The following NCOR2 variants were observed in gnomAD, a reference collection of about 807,000 sequenced individuals.
The protein encoded by NCOR2 is CTG repeat protein 26.
In NCOR2, 81 loss-of-function variants were observed where a neutral mutation model predicts 262.9. That is an observed-to-expected ratio of 0.31 (90% CI 0.26 to 0.37). NCOR2 has a LOEUF of 0.37. NCOR2 is among the 10% of genes least tolerant of loss of function. NCOR2 has a pLI of 1.00. For missense variants in NCOR2, 3,385 were observed against 3,621.4 expected (o/e 0.93, Z 1.68); for synonymous variants, 1,659 against 1,559.3 (o/e 1.06, Z -1.51).
intron 17 of NCOR2, among the ~76,000 whole-genome samples, chr12:124,381,634 C>T (rs528633779): frequency 6.6e-6 from 1 of 152,372 alleles, no homozygotes; most frequent in South Asian, 2.1e-4. Context: ...CAAGACCACA[C>T]AGCTCATGAG....
rs2036322779 is a variant in NCOR2 at position 124,340,019 on chromosome 12, G to A, written c.5674C>T (p.Pro1892Ser). The change falls in exon 37 of 47, where the codon CCC (proline) becomes TCC (serine). Residue 1892 changes from proline (P) to serine (S), a missense_variant. Pro to Ser is a moderately conservative substitution (Grantham distance 74). Around this residue, in one of 5 missense-constraint regions of NCOR2, gnomAD observed 1,017 missense variants for 967.2 expected, o/e 1.05. Transcript: ENST00000405201. ...AACCTGGCCCACCTCAGGACCGTGG[G>A]CGTGCTGGGCTCCACAGCGGTGATG... 3.7e-6 allele frequency: 6 copies of A among 1,612,140 alleles called. No homozygotes were observed. In the African/African-American group the frequency reaches 6.7e-5, roughly 18 times the overall value.
At chr12:124,478,476 G>A (rs775930388) in intron 3 of NCOR2, among the ~76,000 whole-genome samples, 3 of 152,278 alleles carry the variant, frequency 2.0e-5, no homozygotes, top group South Asian at 2.1e-4. Flanking sequence ...ACAGGAACAC[G>A]GTGGGGCAGA....
At chr12:124,414,288 G>C (rs987849970) in intron 13 of NCOR2, among the ~76,000 whole-genome samples, 1 of 152,220 alleles carries the variant, frequency 6.6e-6, no homozygotes, top group African/African-American at 2.4e-5. Context: ...GTCTCATCTG[G>C]CCAGTGGGGA....
chr12:124,411,987 G>A (rs1228946614), intron 13 of NCOR2, among the ~76,000 whole-genome samples: 1 of 152,230 alleles, frequency 6.6e-6, no homozygotes, highest in Non-Finnish European at 1.5e-5. Context: ...TCAGAACACA[G>A]AGAAGCTTCC....
At chr12:124,335,320 CCCCAGGGCTGCTGGG>C in intron 39 of NCOR2, 40 bp from the exon 42 acceptor site, 2 of 1,529,338 alleles carry the variant, frequency 1.3e-6, no homozygotes, top group Non-Finnish European at 1.8e-6. Flanking sequence ...TGTCTGCTGG[CCCCAGGGCTGCTGGG>C]CCCAAATCCC....
At chr12:124,527,646 G>GACCTC (rs2050549248) in intron 1 of NCOR2, among the ~76,000 whole-genome samples, 1 of 152,178 alleles carries the variant, frequency 6.6e-6, no homozygotes, top group Admixed American at 6.5e-5. Context: ...TCGAACTCCT[G>GACCTC]ACCTCAGATG....
chr12:124,398,035 T>C lies in NCOR2; in HGVS notation c.1876+84A>G, dbSNP rs571023685. 2.9e-4 allele frequency: 438 copies of C among 1,531,172 alleles called. 2 individuals carry two copies. In the Middle Eastern group the frequency reaches 3.7e-3, roughly 13 times the overall value. The allele number at this position is 1,531,172 out of a possible 1,614,324, so 94.8% of individuals were successfully genotyped here. A position where few individuals can be genotyped will look rare whatever the true frequency, so the allele number is the denominator to read the frequency against. ...CCACAGCCCCTGGCTCAAGGCCAAA[T>C]GTGTCAACACCCTCCCCAGCACGTG... On this transcript the variant is annotated intron_variant, in intron 16 of 46. Coordinates refer to ENST00000405201, the Ensembl canonical transcript of NCOR2.
intron 13 of NCOR2, among the ~76,000 whole-genome samples, chr12:124,412,623 T>G (rs2042642408): frequency 6.6e-6 from 1 of 152,220 alleles, no homozygotes; most frequent in Non-Finnish European, 1.5e-5. Flanking sequence ...AGCTTGAGTG[T>G]ACTCCCATGG....
chr12:124,554,504 C>T (rs2051820509), intron 1 of NCOR2, among the ~76,000 whole-genome samples: 1 of 152,232 alleles, frequency 6.6e-6, no homozygotes, highest in Non-Finnish European at 1.5e-5. Context: ...CCAGGCGCCC[C>T]CTTCTCAATG....
At chr12:124,438,876 AAGACAGAGACCCAGAGAGAGGG>A (rs2044587121) in intron 7 of NCOR2, among the ~76,000 whole-genome samples, 2 of 1,728 alleles carry the variant, frequency 1.2e-3, no homozygotes, top group Non-Finnish European at 2.9e-3. Context: ...GAGACAGAGG[AAGACAGAGACCCAGAGAGAGGG>A]AGACAGAGAC....
At chr12:124,533,625 A>G (rs1316218644) in intron 1 of NCOR2, among the ~76,000 whole-genome samples, 1 of 152,194 alleles carries the variant, frequency 6.6e-6, no homozygotes, top group Non-Finnish European at 1.5e-5. Context: ...CCACAGGTCT[A>G]TTCCCAGCAC....
chr12:124,330,706 G>A (rs1421958326), intron 44 of NCOR2, 139 bp downstream of exon 46: 3 of 892,644 alleles, frequency 3.4e-6, no homozygotes, highest in Non-Finnish European at 5.2e-6. Context: ...GAATCCTACT[G>A]TGCGGTTAGT....
intron 1 of NCOR2, among the ~76,000 whole-genome samples, chr12:124,521,968 G>C (rs953108361): frequency 6.6e-6 from 1 of 152,164 alleles, no homozygotes. Flanking sequence ...AGTGAGCCAA[G>C]ATCATGCCAC....
intron 8 of NCOR2, 119 bp downstream of exon 10, chr12:124,437,810 TG>T: frequency 1.4e-6 from 1 of 725,604 alleles, no homozygotes; most frequent in Non-Finnish European, 2.0e-6. Context: ...CTCCGCAGCC[TG>T]GACACTCAGG....
chr12:124,461,762 CA>C (rs1312220807), intron 5 of NCOR2, among the ~76,000 whole-genome samples: 2 of 152,362 alleles, frequency 1.3e-5, no homozygotes, highest in East Asian at 3.9e-4. Flanking sequence ...TGCGTATGCA[CA>C]CAGGTGCACA....
At position 124,483,425 on chromosome 12, in the gene NCOR2, C is replaced by A. The variant is rs539367718; in HGVS notation, c.411+171G>T. On this transcript the variant is annotated intron_variant, in intron 3 of 46. Coordinates refer to ENST00000405201, the Ensembl canonical transcript of NCOR2. The surrounding 1 kb of genome is among the most constrained non-coding windows in gnomAD (Gnocchi z 6.3). The stretch of plus-strand genomic sequence containing the variant: ...CACTCTGGCACCTCCAGAGACCCAG[C>A]GCCTGCCCTCTTCCTGCCACCCAGC... Among the ~76,000 whole-genome samples, 1 of 152,170 alleles carries A rather than the reference C, an allele frequency of 6.6e-6. No individual in the cohort carries two copies. Among genetic ancestry groups the A allele is most frequent in the African/African-American group, 2.4e-5 (1 of 41,440 alleles).
chr12:124,485,635 G>A (rs1322720194), intron 2 of NCOR2, among the ~76,000 whole-genome samples: 1 of 152,170 alleles, frequency 6.6e-6, no homozygotes, highest in African/African-American at 2.4e-5. Context: ...TCCTCCAGAC[G>A]CCTGCGCCCA....
chr12:124,349,172 C>T (rs2037208784), intron 28 of NCOR2, among the ~76,000 whole-genome samples: 2 of 152,190 alleles, frequency 1.3e-5, no homozygotes, highest in Admixed American at 1.3e-4. Flanking sequence ...TACATGGGCC[C>T]GGCTCACTGC....
intron 7 of NCOR2, among the ~76,000 whole-genome samples, chr12:124,438,886 C>T (rs2044587984): frequency 6.6e-6 from 1 of 150,804 alleles, no homozygotes; most frequent in Admixed American, 6.6e-5. Context: ...AAGACAGAGA[C>T]CCAGAGAGAG....
Sources: gnomAD v4.1 joint callset for allele counts (sites outside exome capture counted in the v4.1 genomes callset) on GRCh38, gnomAD v4.1.1 for gene constraint, gnomAD v4.1.1 regional missense constraint, Gnocchi (gnomAD v3.1) non-coding constraint, MANE v1.5 for transcripts, NCBI Gene and HGNC (gene_info 2026-07-23, HGNC 2026-07-21) for gene names.